ZNF541: variants seen among roughly 807,000 people sequenced by gnomAD.
The protein encoded by ZNF541 is zinc finger protein 541.
ZNF541 carries 23 observed loss-of-function variants against 123.5 expected under a neutral mutation model. The ratio of observed to expected loss-of-function variants is 0.19; its 90% CI spans 0.13 to 0.26. The LOEUF is 0.26. ZNF541 is among the 10% of genes least tolerant of loss of function. ZNF541 has a pLI of 1.00. For missense variants in ZNF541, 1,612 were observed against 1,789.9 expected (o/e 0.90, Z 1.79); for synonymous variants, 751 against 754.5 (o/e 1.00, Z 0.08).
intron 4 of ZNF541, among the ~76,000 whole-genome samples, chr19:47,548,088 T>C (rs1600028588): frequency 7.3e-6 from 1 of 137,706 alleles, no homozygotes; most frequent in African/African-American, 2.7e-5. Flanking sequence ...AAGTCAAAAG[T>C]TAAAAGGAAA....
At chr19:47,552,858 C>T (rs1268760071) in intron 3 of ZNF541, among the ~76,000 whole-genome samples, 3 of 150,418 alleles carry the variant, frequency 2.0e-5, no homozygotes, top group African/African-American at 7.3e-5. Flanking sequence ...TGCCTGTAAT[C>T]CCAGCACTTT....
In ZNF541 at chr19:47,532,957, G is replaced by C; in HGVS notation, c.3110C>G (p.Ser1037Cys). 1 of 1,549,366 alleles carries C rather than the reference G, an allele frequency of 6.5e-7. No homozygotes were observed. Among genetic ancestry groups the C allele is most frequent in the Non-Finnish European group, 8.7e-7 (1 of 1,145,742 alleles). Residue 1037 changes from serine (S) to cysteine (C), a missense_variant, in exon 10 of 17, where the codon TCC (serine) becomes TGC (cysteine). Ser to Cys is a moderately radical substitution (Grantham distance 112). Transcript: ENST00000391901. The stretch of plus-strand genomic sequence containing the variant: ...ATCCTTCACCACACAGATGCCAAAG[G>C]ACCCATCCACTTGATCTAGAAAGCA... ...ISSMLDQVDG[S>C]FGICVVKDDT...
intron 2 of ZNF541, among the ~76,000 whole-genome samples, chr19:47,569,313 T>C (rs118189032): frequency 1.3e-5 from 2 of 152,228 alleles, no homozygotes; most frequent in Admixed American, 6.5e-5. Flanking sequence ...CCAGGTACTC[T>C]TGTAATCACT....
chr19:47,546,307 A>T (rs1970356253), intron 4 of ZNF541, among the ~76,000 whole-genome samples: 1 of 151,928 alleles, frequency 6.6e-6, no homozygotes, highest in Admixed American at 6.6e-5. Context: ...CAGGAGTTTG[A>T]GACCAGCCTG....
At chr19:47,573,214 G>A (rs1407993172), upstream of ZNF541, among the ~76,000 whole-genome samples, 2 of 150,820 alleles carry the variant, frequency 1.3e-5, 1 homozygote, top group East Asian at 3.9e-4. Context: ...TCGCTCACGC[G>A]CGGCGCAGGC....
chr19:47,552,096 G>A (rs1456082022), intron 3 of ZNF541, among the ~76,000 whole-genome samples: 4 of 150,950 alleles, frequency 2.6e-5, no homozygotes, highest in African/African-American at 4.9e-5. Context: ...GGCCTCAAGC[G>A]ATCCTCCCAC....
At chr19:47,540,420 G>A (rs1429141850) in intron 6 of ZNF541, 85 bp from the exon 7 acceptor site, 5 of 1,360,392 alleles carry the variant, frequency 3.7e-6, no homozygotes, top group African/African-American at 1.5e-5. Context: ...TTTCTTTTTT[G>A]TCTATAACTC....
Position 47,521,539 on chromosome 19 carries a change from G to A in ZNF541, c.3827C>T (p.Thr1276Ile). ...CTCTGCACTTCCCAACAGCTCGGGG[G>A]TCCGCTTGGAGCCTGCATTTGGGCT... ...SSSPNAGSKR[T>I]PELLGSAESQ... Residue 1276 changes from threonine to isoleucine, a missense_variant, in exon 16 of 17, where the codon ACC becomes ATC. By Grantham distance (89) the Thr-to-Ile change is moderately conservative (BLOSUM62 -1). This residue lies in a region of ZNF541 where 285 missense variants were observed against 407.3 expected (regional missense o/e 0.70). Transcript: ENST00000391901. This position sits in a 1 kb window ranked among gnomAD's most constrained non-coding sequence, Gnocchi z 4.2. 6.4e-7 allele frequency: 1 copy of A among 1,551,686 alleles called. No individual in the cohort carries two copies. The highest frequency in any genetic ancestry group is 8.7e-7 in the Non-Finnish European group (1 of 1,146,990).
chr19:47,521,932 C>G lies in ZNF541; in HGVS notation c.3633G>C (p.Lys1211Asn), dbSNP rs1419749480. Residue 1211 changes from lysine to asparagine, a missense_variant, in exon 15 of 17, where the codon AAG becomes AAC. By Grantham distance (94) the Lys-to-Asn change is moderately conservative. This residue lies in a region of ZNF541 where 285 missense variants were observed against 407.3 expected (regional missense o/e 0.70). Transcript: ENST00000391901. The surrounding 1 kb of genome is among the most constrained non-coding windows in gnomAD (Gnocchi z 4.2). ...EYYYIWKKMI[K>N]FDCGRAPGLE... ...GCCCTGGGGCTCGGCCACAGTCAAA[C>G]TTGATCATTTTTTTCCAGATGTAAT... The G allele has an allele frequency of 6.4e-7, 1 of 1,551,946 alleles. No individual in the cohort carries two copies. Among genetic ancestry groups the G allele is most frequent in the South Asian group, 1.2e-5 (1 of 84,068 alleles).
intron 2 of ZNF541, among the ~76,000 whole-genome samples, chr19:47,563,888 A>G (rs529293196): frequency 6.6e-6 from 1 of 152,044 alleles, no homozygotes; most frequent in South Asian, 2.1e-4. Flanking sequence ...TTACAGGCAT[A>G]AGCCCCCGCG....
At chr19:47,570,610 G>GT (rs1568528889) in intron 2 of ZNF541, among the ~76,000 whole-genome samples, 1 of 125,632 alleles carries the variant, frequency 8.0e-6, no homozygotes, top group African/African-American at 2.9e-5. Flanking sequence ...AGCGCATTTT[G>GT]TTTTTTTGTT....
intron 2 of ZNF541, among the ~76,000 whole-genome samples, 165 bp downstream of exon 2, chr19:47,571,731 T>C (rs576486173): frequency 1.3e-5 from 2 of 152,092 alleles, no homozygotes; most frequent in East Asian, 1.9e-4. Flanking sequence ...CAGGTCAACA[T>C]GCACAATAAA....
intron 9 of ZNF541, among the ~76,000 whole-genome samples, chr19:47,535,727 GT>G (rs556228596): frequency 6.5e-4 from 93 of 143,030 alleles, no homozygotes; most frequent in East Asian, 1.6e-3. Flanking sequence ...CCCCAGAGTT[GT>G]TTTTTTTTTT....
At position 47,544,611 on chromosome 19, in the gene ZNF541, G is replaced by T; in HGVS notation, c.1918C>A (p.Pro640Thr). Reference protein sequence around the residue: ...TTPGVPREASPGSTRRDAKGG... With the variant: ...TTPGVPREASTGSTRRDAKGG... ...TTTGCGTCTCGTCTCGTGCTGCCGGGGGAGGCCTCTCTGGGAACCCCGGGT... is the reference window on the plus strand; with the variant it reads ...TTTGCGTCTCGTCTCGTGCTGCCGGTGGAGGCCTCTCTGGGAACCCCGGGT... The change falls in exon 5 of 17, where the codon CCC (proline) becomes ACC (threonine). Residue 640 changes from proline (P) to threonine (T), a missense_variant. Pro to Thr is a conservative substitution (Grantham distance 38). This residue lies in a region of ZNF541 where 1,080 missense variants were observed against 1,013.8 expected (regional missense o/e 1.07). Coordinates refer to ENST00000391901, the MANE Select transcript of ZNF541 (RefSeq NM_001277075.3). The T allele has an allele frequency of 6.4e-7, 1 of 1,551,140 alleles. No homozygotes were observed. Among genetic ancestry groups the T allele is most frequent in the Non-Finnish European group, 8.7e-7 (1 of 1,146,958 alleles).
At chr19:47,554,995 G>A (rs1283199859) in intron 3 of ZNF541, among the ~76,000 whole-genome samples, 1 of 151,562 alleles carries the variant, frequency 6.6e-6, no homozygotes, top group Non-Finnish European at 1.5e-5. Context: ...TGGGGAGGCT[G>A]AGGCAGGAGA....
In ZNF541 at chr19:47,573,132, G is replaced by T. The variant is rs1971535087; in HGVS notation, c.-295C>A. Among the ~76,000 whole-genome samples, 1 of 149,370 alleles carries T rather than the reference G, an allele frequency of 6.7e-6. No homozygotes were observed. Among genetic ancestry groups the T allele is most frequent in the Non-Finnish European group, 1.5e-5 (1 of 67,182 alleles). ...GGCCTCGCGCCTGGCGCCTCGCGGGGCTCCCAGCGGCCTCCCGCCTTCCCC... is the reference window on the plus strand; with the variant it reads ...GGCCTCGCGCCTGGCGCCTCGCGGGTCTCCCAGCGGCCTCCCGCCTTCCCC... On this transcript the variant is annotated 5_prime_UTR_variant, in exon 1 of 17. Transcript: ENST00000391901.
In ZNF541 at chr19:47,521,651, G is replaced by T. The variant is rs1478392559; in HGVS notation, c.3715C>A (p.Pro1239Thr). 2.6e-6 allele frequency: 4 copies of T among 1,551,598 alleles called. No homozygotes were observed. In the Admixed American group the frequency reaches 7.8e-5, roughly 30 times the overall value. ...CTGGGTCTCTCCCGAGGGCTGCATG[G>T]GACCTGCAGAGGGAGCAAAAGTGAC... The part of the protein sequence containing the change: ...EEVERTEEKV[P>T]CSPRERPSHH... Residue 1239 changes from proline to threonine, a missense_variant, in exon 16 of 17, where the codon CCA (proline) becomes ACA (threonine). Transcript: ENST00000391901. The surrounding 1 kb of genome is among the most constrained non-coding windows in gnomAD (Gnocchi z 4.2).
chr19:47,570,998 A>G (rs1190710041), intron 2 of ZNF541, among the ~76,000 whole-genome samples: 3 of 152,094 alleles, frequency 2.0e-5, no homozygotes, highest in African/African-American at 7.2e-5. Flanking sequence ...AATAAGAAAA[A>G]GTCCTGCATG....
chr19:47,570,403 C>T (rs1484822836), intron 2 of ZNF541, among the ~76,000 whole-genome samples: 1 of 151,432 alleles, frequency 6.6e-6, no homozygotes, highest in Non-Finnish European at 1.5e-5. Context: ...ATGGTGAAAA[C>T]CCGTCTCTAC....
Sources: allele counts gnomAD v4.1 joint callset (sites outside exome capture counted in the v4.1 genomes callset), GRCh38; gene constraint gnomAD v4.1.1; regional missense constraint gnomAD v4.1.1; non-coding constraint Gnocchi (gnomAD v3.1); transcripts MANE v1.5; gene names NCBI Gene and HGNC (gene_info 2026-07-23, HGNC 2026-07-21).